The following GRAMD4 variants were observed in gnomAD, a reference collection of about 807,000 sequenced individuals.
GRAMD4 encodes the protein GRAM domain containing 4.
In GRAMD4, 25 loss-of-function variants were observed where a neutral mutation model predicts 83.9. The ratio of observed to expected loss-of-function variants is 0.30; its 90% CI spans 0.22 to 0.42. GRAMD4 has a LOEUF of 0.42. Among genes scored for constraint, GRAMD4 ranks in the 10% least tolerant of loss-of-function variants. The pLI is 1.00. For synonymous variants in GRAMD4, 336 were observed against 320.9 expected (o/e 1.05, Z -0.50); for missense variants, 593 against 788.7 (o/e 0.75, Z 2.97).
intron 15 of GRAMD4, 98 bp downstream of exon 15, chr22:46,673,912 C>A: frequency 1.5e-6 from 2 of 1,347,050 alleles, no homozygotes; most frequent in Non-Finnish European, 2.1e-6. Context: ...CGCCCTGTGA[C>A]AGGCCAGAGG....
intron 1 of GRAMD4, among the ~76,000 whole-genome samples, chr22:46,595,670 C>A (rs1602309811): frequency 6.6e-6 from 1 of 152,252 alleles, no homozygotes. Flanking sequence ...ACCAGAACAG[C>A]CTTTCCAGCT....
At chr22:46,601,513 T>C (rs138546) in intron 1 of GRAMD4, among the ~76,000 whole-genome samples, 45,549 of 151,710 alleles carry the variant, frequency 0.3, 7,453 homozygotes, top group Non-Finnish European at 0.37. Context: ...ATTTAAAAAT[T>C]AGATCAGGTG....
chr22:46,680,023 G>T (rs2082651430), downstream of GRAMD4, among the ~76,000 whole-genome samples: 1 of 152,262 alleles, frequency 6.6e-6, no homozygotes, highest in African/African-American at 2.4e-5. Context: ...GGAGCAGGGG[G>T]CAGGGCCTGA....
intron 1 of GRAMD4, among the ~76,000 whole-genome samples, chr22:46,586,111 A>G (rs1009946167): frequency 1.3e-5 from 2 of 151,650 alleles, no homozygotes; most frequent in Non-Finnish European, 2.9e-5. Flanking sequence ...CCAGTCTGGG[A>G]CCTAGAGCAC....
chr22:46,672,714 G>C lies in GRAMD4; in HGVS notation c.1085-129G>C. ...AGGGTGAGGACTGAGCGAGCAGCTG[G>C]ACTCTCACATCCAGGCTCAGGGTGG... On this transcript the variant is annotated intron_variant, in intron 13 of 18. Coordinates refer to ENST00000406902, the MANE Select transcript of GRAMD4 (RefSeq NM_015124.5). This position sits in a 1 kb window ranked among gnomAD's most constrained non-coding sequence, Gnocchi z 4.7. 1 of 693,246 alleles carries C rather than the reference G, an allele frequency of 1.4e-6. No individual in the cohort carries two copies. The highest frequency in any genetic ancestry group is 2.5e-6 in the Non-Finnish European group (1 of 402,920). 42.9% of individuals were successfully genotyped at this position (693,246 alleles called of 1,614,324 possible).
chr22:46,625,820 C>T (rs531780618), intron 1 of GRAMD4, among the ~76,000 whole-genome samples: 144 of 152,350 alleles, frequency 9.5e-4, no homozygotes, highest in Non-Finnish European at 1.4e-3. Flanking sequence ...CTGGCCAGGT[C>T]GGGCAGCGAT....
At chr22:46,662,532 G>A (rs1201132786) in intron 5 of GRAMD4, among the ~76,000 whole-genome samples, 4 of 152,242 alleles carry the variant, frequency 2.6e-5, no homozygotes, top group Non-Finnish European at 5.9e-5. Context: ...CTCACCCTGG[G>A]CTGGCTGCGC....
At chr22:46,611,231 T>A (rs1270585947) in intron 1 of GRAMD4, among the ~76,000 whole-genome samples, 7 of 128,178 alleles carry the variant, frequency 5.5e-5, no homozygotes, top group African/African-American at 1.4e-4. Context: ...AAAAAAAATA[T>A]TAAATAAAAA....
upstream of GRAMD4, among the ~76,000 whole-genome samples, chr22:46,616,667 TGTAGGTTCCCCTGTGC>T (rs1265738814): frequency 3.0e-4 from 40 of 134,036 alleles, no homozygotes; most frequent in Non-Finnish European, 2.3e-4. Flanking sequence ...TTCCCCTGTG[TGTAGGTTCCCCTGTGC>T]GTGTAGGTTC....
rs1442586348 is a variant in GRAMD4 at position 46,679,423 on chromosome 22, C to T, written c.*2172C>T. 4.1e-6 allele frequency: 4 copies of T among 985,414 alleles called. No homozygotes were observed. The highest frequency in any genetic ancestry group is 1.7e-5 in the African/African-American group (1 of 57,244). The allele number at this position is 985,414 out of a possible 1,614,324, so 61.0% of individuals were successfully genotyped here. ...CCACCGACTGGCTCTGCTGCCAGCACAGGCCCCTCCCTGGAAGTCCTCGGG... is the reference window on the plus strand; with the variant it reads ...CCACCGACTGGCTCTGCTGCCAGCATAGGCCCCTCCCTGGAAGTCCTCGGG... On this transcript the variant is annotated 3_prime_UTR_variant, in exon 19 of 19. Coordinates refer to ENST00000406902, the MANE Select transcript of GRAMD4 (RefSeq NM_015124.5).
intron 10 of GRAMD4, among the ~76,000 whole-genome samples, chr22:46,667,398 A>G (rs1601672051): frequency 6.6e-6 from 1 of 152,346 alleles, no homozygotes; most frequent in South Asian, 2.1e-4. Context: ...TAACTTTGTA[A>G]ATAAAGTTTT....
intron 1 of GRAMD4, among the ~76,000 whole-genome samples, chr22:46,609,487 A>G (rs1161351859): frequency 1.3e-5 from 2 of 152,194 alleles, no homozygotes; most frequent in East Asian, 3.8e-4. Flanking sequence ...GAGGTACACA[A>G]AGGCTCTTTT....
intron 3 of GRAMD4, among the ~76,000 whole-genome samples, chr22:46,654,170 G>A (rs1351889471): frequency 1.4e-5 from 2 of 142,334 alleles, no homozygotes; most frequent in Non-Finnish European, 3.1e-5. Flanking sequence ...TGGCTGGGGG[G>A]TAGGGTGGGA....
At chr22:46,624,421 C>A (rs991880443) in intron 1 of GRAMD4, among the ~76,000 whole-genome samples, 6 of 149,702 alleles carry the variant, frequency 4.0e-5, no homozygotes, top group African/African-American at 1.5e-4. Flanking sequence ...CTCCGCCTCC[C>A]GGGTTCAAGC....
rs2081817611 is a variant in GRAMD4 at position 46,633,904 on chromosome 22, T to G, written c.163-3936T>G. On this transcript the variant is annotated intron_variant, in intron 2 of 18. Coordinates refer to ENST00000406902, the MANE Select transcript of GRAMD4 (RefSeq NM_015124.5). ...TTGTTGTTTAGGCCGCCTTCCCGGT[T>G]AGAAAATTCATGATAAGCACTGAGG... Among the ~76,000 whole-genome samples the G allele has an allele frequency of 2.6e-5, 4 of 152,278 alleles. No homozygotes were observed. The South Asian group carries it at 8.3e-4, about 32-fold the overall frequency.
At chr22:46,616,564 G>A (rs971641308), upstream of GRAMD4, among the ~76,000 whole-genome samples, 1 of 145,912 alleles carries the variant, frequency 6.9e-6, no homozygotes, top group Non-Finnish European at 1.5e-5. Flanking sequence ...GTTCCCCTGT[G>A]TGTGCGGCTT....
Position 46,586,791 on chromosome 22 carries a change from G to T in GRAMD4, c.-50+9501G>T, listed in dbSNP as rs367730146. On this transcript the variant is annotated intron_variant, in intron 1 of 1. Transcript: ENST00000431155. ...AGCCTGGCCTGAGCAGTGACAGCCT[G>T]CAGGGTCCTCTGTCTTCCTGCCCTG... Among the ~76,000 whole-genome samples the T allele has an allele frequency of 1.3e-3, 201 of 152,296 alleles. 4 individuals carry two copies. In the South Asian group the frequency reaches 0.04, roughly 30 times the overall value.
chr22:46,674,270 G>A (rs993966861), intron 15 of GRAMD4, among the ~76,000 whole-genome samples: 13 of 152,210 alleles, frequency 8.5e-5, no homozygotes, highest in South Asian at 4.1e-4. Context: ...TGTGATGAGC[G>A]GCTGCAGAGG....
At chr22:46,584,763 A>G (rs937061030) in intron 1 of GRAMD4, among the ~76,000 whole-genome samples, 3 of 152,274 alleles carry the variant, frequency 2.0e-5, no homozygotes, top group Admixed American at 2.0e-4. Flanking sequence ...AGAACCAGGG[A>G]CTTCCCTGCT....
Sources: allele counts gnomAD v4.1 joint callset (sites outside exome capture counted in the v4.1 genomes callset), GRCh38; gene constraint gnomAD v4.1.1; non-coding constraint Gnocchi (gnomAD v3.1); transcripts MANE v1.5; gene names NCBI Gene and HGNC (gene_info 2026-07-23, HGNC 2026-07-21).